Variants in EPHA7 observed in about 807,000 individuals in gnomAD.
EPHA7 encodes EPH receptor A7.
In EPHA7, 25 loss-of-function variants were observed where a neutral mutation model predicts 112.6. The observed-to-expected ratio is 0.22, with a 90% CI of 0.16 to 0.31. EPHA7 has a LOEUF of 0.31. EPHA7 is among the 10% of genes least tolerant of loss of function. EPHA7 has a pLI of 1.00. For missense variants in EPHA7, 962 were observed against 1,212.6 expected, an observed-to-expected ratio of 0.79 and a Z score of 3.07; for synonymous variants, 437 against 406.5, an observed-to-expected ratio of 1.07 and a Z score of -0.90.
intron 16 of EPHA7, among the ~76,000 whole-genome samples, chr6:93,244,653 T>C (rs1769864834): frequency 6.6e-6 from 1 of 152,046 alleles, no homozygotes; most frequent in African/African-American, 2.4e-5. Flanking sequence ...ATTTCAAAAG[T>C]TGCTTTATCA....
At chr6:93,355,182 A>G (rs1775884848) in intron 5 of EPHA7, among the ~76,000 whole-genome samples, 1 of 152,110 alleles carries the variant, frequency 6.6e-6, no homozygotes, top group East Asian at 1.9e-4. Flanking sequence ...TAATTAGCTA[A>G]ATCACTTATT....
chr6:93,254,002 C>T (rs1770328056), intron 14 of EPHA7, among the ~76,000 whole-genome samples: 1 of 151,854 alleles, frequency 6.6e-6, no homozygotes, highest in African/African-American at 2.4e-5. Context: ...CATGGACTAC[C>T]ATCAGTTTCT....
rs182308872 is a variant in EPHA7, at chr6:93,240,401, C to T, written c.*3025G>A. 1.1e-3 allele frequency: 250 copies of T among 222,342 alleles called. No homozygotes were observed. The highest frequency in any genetic ancestry group is 1.8e-3 in the Non-Finnish European group (203 of 111,236). 13.8% of individuals were successfully genotyped at this position (222,342 alleles called of 1,614,324 possible). A position where few individuals can be genotyped will look rare whatever the true frequency, so the allele number is the denominator to read the frequency against. Reference sequence around the variant, plus strand: ...CACCATTTTAATTGTCTTAAAAACACGGATAAGAAGAGCAATTAAAATATA... The same window carrying T: ...CACCATTTTAATTGTCTTAAAAACATGGATAAGAAGAGCAATTAAAATATA... On this transcript the variant is annotated 3_prime_UTR_variant, in exon 17 of 17. Transcript: ENST00000369303.
intron 1 of EPHA7, 88 bp from the exon 2 acceptor site, chr6:93,414,855 T>C (rs1332266643): frequency 3.0e-6 from 3 of 990,844 alleles, no homozygotes; most frequent in Non-Finnish European, 4.7e-6. Context: ...TTCATATAAC[T>C]ATCACTATAT....
At chr6:93,290,683 AAACTAT>A (rs1272884402) in intron 5 of EPHA7, among the ~76,000 whole-genome samples, 2 of 152,174 alleles carry the variant, frequency 1.3e-5, no homozygotes, top group Non-Finnish European at 2.9e-5. Context: ...GATTATATAC[AAACTAT>A]AACCAAGGTT....
intron 3 of EPHA7, among the ~76,000 whole-genome samples, chr6:93,398,460 G>T (rs559839477): frequency 6.6e-6 from 1 of 151,910 alleles, no homozygotes; most frequent in Non-Finnish European, 1.5e-5. Context: ...GTGCCATACC[G>T]TATGATTTGT....
chr6:93,284,311 T>C lies in EPHA7; in HGVS notation c.1325-11889A>G, dbSNP rs114574977. On this transcript the variant is annotated intron_variant, in intron 5 of 16. Transcript: ENST00000369303. ...CAGAATTCTTCCTCGTTAGTGGCTT[T>C]GCTCATTTATTTTTTTTTTTCAAAA... Among the ~76,000 whole-genome samples, 697 of 149,192 alleles carry C rather than the reference T, an allele frequency of 4.7e-3. 6 individuals are homozygous for C. The highest frequency in any genetic ancestry group is 0.016 in the African/African-American group (670 of 41,236).
intron 5 of EPHA7, among the ~76,000 whole-genome samples, chr6:93,291,628 C>T (rs950671551): frequency 6.7e-6 from 1 of 149,834 alleles, no homozygotes; most frequent in Non-Finnish European, 1.5e-5. Flanking sequence ...ATTAGCCGGG[C>T]GTAGTGGCGG....
intron 5 of EPHA7, among the ~76,000 whole-genome samples, chr6:93,280,620 G>A (rs1771685789): frequency 6.6e-6 from 1 of 152,072 alleles, no homozygotes; most frequent in African/African-American, 2.4e-5. Context: ...GAAGAGCATG[G>A]GCCAGAAAGC....
intron 3 of EPHA7, among the ~76,000 whole-genome samples, chr6:93,409,262 G>A (rs1320602893): frequency 1.3e-5 from 2 of 151,978 alleles, no homozygotes; most frequent in African/African-American, 4.8e-5. Flanking sequence ...TCCTTGCTTT[G>A]TGATTAAAAC....
chr6:93,294,112 A>G (rs1772529734), intron 5 of EPHA7, among the ~76,000 whole-genome samples: 1 of 152,144 alleles, frequency 6.6e-6, no homozygotes, highest in Admixed American at 6.5e-5. Flanking sequence ...GCAATGACAA[A>G]GCTGGCTTGC....
At chr6:93,371,802 C>A in intron 3 of EPHA7, among the ~76,000 whole-genome samples, 1 of 152,094 alleles carries the variant, frequency 6.6e-6, no homozygotes, top group East Asian at 1.9e-4. Context: ...TAGTATACAT[C>A]ATCCCAAAAC....
At chr6:93,303,884 T>A (rs922799919) in intron 5 of EPHA7, among the ~76,000 whole-genome samples, 1 of 152,170 alleles carries the variant, frequency 6.6e-6, no homozygotes, top group Middle Eastern at 3.2e-3. Context: ...GATTTTTCTT[T>A]GATTGAATTG....
chr6:93,313,135 T>C (rs989665068), intron 5 of EPHA7, among the ~76,000 whole-genome samples: 2 of 152,098 alleles, frequency 1.3e-5, no homozygotes, highest in Non-Finnish European at 2.9e-5. Context: ...CTGATGCTGA[T>C]AGACTAGCTC....
chr6:93,387,383 C>T (rs541176494), intron 3 of EPHA7, among the ~76,000 whole-genome samples: 11 of 152,218 alleles, frequency 7.2e-5, no homozygotes, highest in South Asian at 2.1e-4. Context: ...ATTGGCATTT[C>T]GGTCAAAGCC....
chr6:93,286,205 G>T lies in EPHA7; in HGVS notation c.1325-13783C>A, dbSNP rs192510646. 8.6e-5 allele frequency among the ~76,000 whole-genome samples: 13 copies of T among 151,976 alleles called. No individual in the cohort carries two copies. The East Asian group carries it at 2.5e-3, about 29-fold the overall frequency. ...CCCACACAAATGTATTCTACAGATG[G>T]GCATCTATGTTTTATTCAGTTGTTC... On this transcript the variant is annotated intron_variant, in intron 5 of 16. Coordinates refer to ENST00000369303, the MANE Select transcript of EPHA7 (RefSeq NM_004440.4).
intron 5 of EPHA7, among the ~76,000 whole-genome samples, chr6:93,316,382 T>A (rs1773812843): frequency 1.3e-5 from 2 of 152,156 alleles, no homozygotes; most frequent in South Asian, 4.1e-4. Context: ...AACATCAGAA[T>A]TTACTTGTAG....
chr6:93,295,782 ATT>A (rs902377369), intron 5 of EPHA7, among the ~76,000 whole-genome samples: 3 of 151,606 alleles, frequency 2.0e-5, no homozygotes, highest in Non-Finnish European at 4.4e-5. Context: ...ATATATTTCC[ATT>A]GTTTGATATT....
chr6:93,269,167 G>A (rs532400489), intron 7 of EPHA7, among the ~76,000 whole-genome samples: 1 of 151,792 alleles, frequency 6.6e-6, no homozygotes, highest in East Asian at 1.9e-4. Flanking sequence ...TTTCGAGGTC[G>A]ACAAACACAT....
Sources: allele counts gnomAD v4.1 joint callset (sites outside exome capture counted in the v4.1 genomes callset), GRCh38; gene constraint gnomAD v4.1.1; transcripts MANE v1.5; gene names NCBI Gene and HGNC (gene_info 2026-07-23, HGNC 2026-07-21).